Variants in NUCB1 observed in about 807,000 individuals in gnomAD.
NUCB1 encodes nucleobindin 1.
Under a neutral mutation model 61.2 loss-of-function variants are expected in NUCB1, and 47 were observed. The ratio of observed to expected loss-of-function variants is 0.77; its 90% confidence interval spans 0.61 to 0.98. The LOEUF is 0.98. Ranked by LOEUF, NUCB1 falls within the 50% of genes least tolerant of loss-of-function variation. The probability of loss-of-function intolerance (pLI) is 0.00; values close to 1 mark genes in which losing one functional copy is unlikely to be tolerated. For synonymous variants in NUCB1, 234 were observed against 243.1 expected (o/e 0.96, Z 0.35); for missense variants, 583 against 605.3 (o/e 0.96, Z 0.39).
chr19:48,902,863 A>C (rs1006342747), intron 2 of NUCB1, among the ~76,000 whole-genome samples: 1 of 151,830 alleles, frequency 6.6e-6, no homozygotes, highest in African/African-American at 2.4e-5. Flanking sequence ...GAGCAGGGAG[A>C]GTGAGAGGGA....
chr19:48,913,333 G>A, intron 6 of NUCB1, 137 bp downstream of exon 6: 2 of 1,201,586 alleles, frequency 1.7e-6, no homozygotes, highest in Non-Finnish European at 2.4e-6. Context: ...GGCTGCCCCA[G>A]GGTCTGCTGG....
In NUCB1 at chr19:48,918,735, G is replaced by A; in HGVS notation, c.767G>A (p.Ser256Asn). 1 of 1,613,818 alleles carries A rather than the reference G, an allele frequency of 6.2e-7. No homozygotes were observed. Among genetic ancestry groups the A allele is most frequent in the Non-Finnish European group, 8.5e-7 (1 of 1,179,688 alleles). The change falls in exon 8 of 13, where the codon AGT (serine) becomes AAT (asparagine). Residue 256 changes from serine (S) to asparagine (N), a missense_variant. Transcript: ENST00000405315. ...KTFFILHDINSDGVLDEQELE... is the reference protein window; with the variant it reads ...KTFFILHDINNDGVLDEQELE... Reference sequence around the variant, plus strand: ...ATCCTCTTCCCTTCAGATATCAACAGTGATGGTGTCCTGGATGAGCAGGAG... The same window carrying A: ...ATCCTCTTCCCTTCAGATATCAACAATGATGGTGTCCTGGATGAGCAGGAG...
chr19:48,908,732 G>GTGTGTC (rs1568584910), intron 4 of NUCB1, among the ~76,000 whole-genome samples: 1 of 147,728 alleles, frequency 6.8e-6, no homozygotes, highest in Non-Finnish European at 1.5e-5. Flanking sequence ...GTGTGTGTGT[G>GTGTGTC]TGTGTGTGTG....
At position 48,923,066 on chromosome 19, in the gene NUCB1, T is replaced by A. The variant is rs2037629969; in HGVS notation, c.*642T>A. 6.5e-6 allele frequency: 1 copy of A among 153,406 alleles called. No individual in the cohort carries two copies. Among genetic ancestry groups the A allele is most frequent in the South Asian group, 2.1e-4 (1 of 4,872 alleles). The allele number at this position is 153,406 out of a possible 1,614,324, so 9.5% of individuals were successfully genotyped here. On this transcript the variant is annotated 3_prime_UTR_variant, in exon 13 of 13. Coordinates refer to ENST00000405315, the MANE Select transcript of NUCB1 (RefSeq NM_006184.6). ...ATCGCCAGCCTCCTCCTGGACCTCT[T>A]GGCCCCCAGCCCCTTCCCCACACAG...
intron 4 of NUCB1, among the ~76,000 whole-genome samples, chr19:48,907,680 C>T (rs1394285256): frequency 6.6e-6 from 1 of 152,192 alleles, no homozygotes; most frequent in Non-Finnish European, 1.5e-5. Context: ...TCTTTTAGGG[C>T]ACCAGTATCC....
rs1019803741 is a variant in NUCB1, at chr19:48,923,014, C to T, written c.*590C>T. 3 of 153,190 alleles carry T rather than the reference C, an allele frequency of 2.0e-5. No individual in the cohort carries two copies. Among genetic ancestry groups the T allele is most frequent in the African/African-American group, 7.2e-5 (3 of 41,476 alleles). The allele number at this position is 153,190 out of a possible 1,614,324, so 9.5% of individuals were successfully genotyped here. Reference sequence around the variant, plus strand: ...CCCTGATACCAGGAGCCTGGGCCTCCCTGAACCCCTGGCTTCCAGCCATCT... The same window carrying T: ...CCCTGATACCAGGAGCCTGGGCCTCTCTGAACCCCTGGCTTCCAGCCATCT... On this transcript the variant is annotated 3_prime_UTR_variant, in exon 13 of 13. Coordinates refer to ENST00000405315, the MANE Select transcript of NUCB1 (RefSeq NM_006184.6).
At chr19:48,903,390 G>A (rs560926084) in intron 2 of NUCB1, among the ~76,000 whole-genome samples, 5 of 149,366 alleles carry the variant, frequency 3.3e-5, no homozygotes, top group African/African-American at 1.3e-4. Context: ...AGATGGATGG[G>A]CAGTTGGATG....
chr19:48,911,384 C>T, intron 5 of NUCB1, 132 bp downstream of exon 5: 1 of 578,832 alleles, frequency 1.7e-6, no homozygotes. Context: ...TGGTAGAGGG[C>T]TGAGTCGTTT....
Position 48,911,134 on chromosome 19 carries a change from T to C in NUCB1, c.377-15T>C. The C allele has an allele frequency of 1.3e-6, 2 of 1,589,402 alleles. No homozygotes were observed. The highest frequency in any genetic ancestry group is 1.7e-6 in the Non-Finnish European group (2 of 1,158,346). On this transcript the variant is annotated splice_polypyrimidine_tract_variant and intron_variant, in intron 4 of 12. Coordinates refer to ENST00000405315, the MANE Select transcript of NUCB1 (RefSeq NM_006184.6). ...GAACATGCCCTCAGGTGTTGGACTC[T>C]TCCCTCTCTTCCAGATGTACAGGTG... is the stretch of plus-strand genomic sequence containing the variant.
intron 7 of NUCB1, 95 bp downstream of exon 7, chr19:48,913,659 G>A: frequency 1.0e-6 from 1 of 998,218 alleles, no homozygotes; most frequent in Non-Finnish European, 1.6e-6. Flanking sequence ...GTCCCAGGAG[G>A]GCTTAGTCAG....
rs2037404974 is a variant in NUCB1 at position 48,905,869 on chromosome 19, C to T, written c.360C>T (p.Asp120=). Residue 120 remains aspartate (D), a synonymous_variant, in exon 4 of 13, where the codon GAC becomes GAT. Transcript: ENST00000405315. The part of the protein sequence containing the change: ...RLRMLLKAKM[D]AEQDPNVQVD... ...GGATGCTGCTCAAGGCCAAGATGGA[C>T]GCCGAGCAGGATCCCAGTGAGCAGG... 1.9e-6 allele frequency: 3 copies of T among 1,579,668 alleles called. No homozygotes were observed. The highest frequency in any genetic ancestry group is 1.4e-5 in the African/African-American group (1 of 72,070).
intron 10 of NUCB1, among the ~76,000 whole-genome samples, 166 bp downstream of exon 10, chr19:48,919,452 C>CCTATTTAT (rs1555792215): frequency 2.1e-5 from 3 of 141,938 alleles, no homozygotes; most frequent in African/African-American, 8.0e-5. Context: ...CTCTAGGACT[C>CCTATTTAT]TTATTTATTT....
chr19:48,918,940 G>A (rs142698061), intron 8 of NUCB1, 90 bp from the exon 9 acceptor site: 83 of 1,392,426 alleles, frequency 6.0e-5, no homozygotes, highest in Non-Finnish European at 7.6e-5. Context: ...GAGTGGTAGC[G>A]TGCCCAAAGG....
intron 3 of NUCB1, 67 bp from the exon 4 acceptor site, chr19:48,905,686 T>C (rs73063523): frequency 0.14 from 219,188 of 1,591,022 alleles, 17,080 homozygotes; most frequent in Non-Finnish European, 0.16. Flanking sequence ...TGAGAAAGCT[T>C]ATAAGAAGCT....
intron 4 of NUCB1, among the ~76,000 whole-genome samples, chr19:48,907,625 G>A (rs1001165122): frequency 3.3e-5 from 5 of 152,084 alleles, no homozygotes; most frequent in African/African-American, 9.7e-5. Context: ...CCCTTAGCCC[G>A]GAAAGGTCAC....
intron 4 of NUCB1, among the ~76,000 whole-genome samples, chr19:48,908,724 GTGTGTGTGTGTGT>G (rs1568584898): frequency 4.3e-5 from 4 of 92,794 alleles, no homozygotes; most frequent in African/African-American, 1.1e-4. Context: ...ACCAAGGGGT[GTGTGTGTGTGTGT>G]GTGTGTGTGT....
intron 7 of NUCB1, among the ~76,000 whole-genome samples, chr19:48,916,296 C>G (rs564804899): frequency 6.6e-6 from 1 of 152,086 alleles, no homozygotes; most frequent in South Asian, 2.1e-4. Context: ...CTAGTGGCTG[C>G]TGTACTGGAG....
At chr19:48,915,497 T>C (rs1002527777) in intron 7 of NUCB1, among the ~76,000 whole-genome samples, 4 of 151,974 alleles carry the variant, frequency 2.6e-5, no homozygotes, top group African/African-American at 9.7e-5. Flanking sequence ...AGAGTGAGAC[T>C]CTGTCTCAAA....
intron 4 of NUCB1, among the ~76,000 whole-genome samples, chr19:48,907,006 G>T (rs1349979915): frequency 4.1e-5 from 6 of 147,790 alleles, no homozygotes; most frequent in Non-Finnish European, 8.9e-5. Flanking sequence ...ACAGAGTCTC[G>T]CTCTGTCACC....
Sources: allele counts gnomAD v4.1 joint callset (sites outside exome capture counted in the v4.1 genomes callset), GRCh38; gene constraint gnomAD v4.1.1; transcripts MANE v1.5; gene names NCBI Gene and HGNC (gene_info 2026-07-23, HGNC 2026-07-21).